ASIC2: variants seen among roughly 807,000 people sequenced by gnomAD.
ASIC2 encodes acid sensing ion channel subunit 2, also known as acid-sensing ion channel 2.
ASIC2 carries 25 observed loss-of-function variants against 57.3 expected under a neutral mutation model. That is an observed-to-expected ratio of 0.44 (90% CI 0.32 to 0.61). ASIC2 has a LOEUF of 0.61. Ranked by LOEUF, ASIC2 falls within the 20% of genes least tolerant of loss-of-function variation. ASIC2 has a pLI of 0.06. For missense variants in ASIC2, 641 were observed against 738.1 expected, an observed-to-expected ratio of 0.87 and a Z score of 1.52; for synonymous variants, 319 against 307.5, an observed-to-expected ratio of 1.04 and a Z score of -0.39.
intron 1 of ASIC2, among the ~76,000 whole-genome samples, chr17:33,886,769 T>C (rs1914838745): frequency 6.6e-6 from 1 of 151,998 alleles, no homozygotes; most frequent in South Asian, 2.1e-4. Flanking sequence ...TCCTTAGTAC[T>C]TGACGTGTTT....
At chr17:33,924,568 T>G (rs1915783284) in intron 1 of ASIC2, among the ~76,000 whole-genome samples, 2 of 152,350 alleles carry the variant, frequency 1.3e-5, no homozygotes, top group Admixed American at 1.3e-4. Flanking sequence ...CAAAATTCTA[T>G]TTCCCCGTAG....
At chr17:33,990,099 G>T (rs1019634482) in intron 1 of ASIC2, among the ~76,000 whole-genome samples, 116 of 152,296 alleles carry the variant, frequency 7.6e-4, no homozygotes, top group African/African-American at 2.6e-3. Flanking sequence ...AAGGGTGAAG[G>T]TGGGGAATTT....
chr17:33,168,229 C>T (rs1256251996), intron 1 of ASIC2, among the ~76,000 whole-genome samples: 1 of 152,190 alleles, frequency 6.6e-6, no homozygotes, highest in Non-Finnish European at 1.5e-5. Context: ...ATAAATTATG[C>T]AGTCTGTGGC....
chr17:33,949,837 GATTAATT>G (rs912367827), intron 1 of ASIC2, among the ~76,000 whole-genome samples: 1 of 152,214 alleles, frequency 6.6e-6, no homozygotes, highest in Non-Finnish European at 1.5e-5. Flanking sequence ...GCTTAGTGAG[GATTAATT>G]ATTATTTTAT....
chr17:34,020,408 T>A (rs1046241589), intron 1 of ASIC2, among the ~76,000 whole-genome samples: 10 of 152,206 alleles, frequency 6.6e-5, no homozygotes, highest in Admixed American at 3.9e-4. Flanking sequence ...AGAGTATGGC[T>A]GAGTTGGGCT....
chr17:33,385,559 C>T (rs1176352627), intron 1 of ASIC2, among the ~76,000 whole-genome samples: 1 of 152,170 alleles, frequency 6.6e-6, no homozygotes, highest in African/African-American at 2.4e-5. Flanking sequence ...TGTTTAATAA[C>T]ATGTTTTAAA....
At chr17:33,055,891 G>T (rs2091996054) in intron 3 of ASIC2, among the ~76,000 whole-genome samples, 1 of 152,198 alleles carries the variant, frequency 6.6e-6, no homozygotes, top group Admixed American at 6.5e-5. Context: ...GGCAGTGGTT[G>T]TCAACCGCAC....
chr17:33,868,948 C>T (rs1022427176), intron 1 of ASIC2, among the ~76,000 whole-genome samples: 2 of 152,018 alleles, frequency 1.3e-5, no homozygotes, highest in Non-Finnish European at 2.9e-5. Flanking sequence ...GCCTGTAGTC[C>T]CAGCTAACTG....
In ASIC2 at chr17:33,833,773, C is replaced by T. The variant is rs140194022; in HGVS notation, c.555+322205G>A. Among the ~76,000 whole-genome samples, 216 of 152,140 alleles carry T rather than the reference C, an allele frequency of 1.4e-3. 1 individual carries two copies. The highest frequency in any genetic ancestry group is 4.9e-3 in the African/African-American group (202 of 41,450). On this transcript the variant is annotated intron_variant, in intron 1 of 9. Transcript: ENST00000359872. ...ATTGCTGGTTTAAAATAATCTATTG[C>T]AGCTGGGCACACTGTCTATGCCTGT... is the stretch of plus-strand genomic sequence containing the variant.
chr17:33,971,883 C>G (rs1012181445), intron 1 of ASIC2, among the ~76,000 whole-genome samples: 1 of 152,112 alleles, frequency 6.6e-6, no homozygotes, highest in African/African-American at 2.4e-5. Context: ...TAAATAGAAG[C>G]TGTGATTCTG....
intron 1 of ASIC2, among the ~76,000 whole-genome samples, chr17:33,260,650 G>C (rs1250476779): frequency 6.6e-6 from 1 of 152,240 alleles, no homozygotes; most frequent in Non-Finnish European, 1.5e-5. Context: ...AAGGTGGCAA[G>C]TGGGGATGCC....
intron 1 of ASIC2, among the ~76,000 whole-genome samples, chr17:33,239,347 T>TGTTGAGGACCTGAGAGATCTTAGG (rs1908418674): frequency 1.3e-5 from 2 of 152,124 alleles, no homozygotes; most frequent in African/African-American, 4.8e-5. Context: ...CTGATTAAAA[T>TGTTGAGGACCTGAGAGATCTTAGG]TGTAATCCCC....
chr17:33,579,332 CAG>C (rs1916791737), intron 1 of ASIC2, among the ~76,000 whole-genome samples: 1 of 149,608 alleles, frequency 6.7e-6, no homozygotes, highest in Non-Finnish European at 1.5e-5. Context: ...GATGTTGGCT[CAG>C]GGCACACTGG....
intron 1 of ASIC2, among the ~76,000 whole-genome samples, chr17:33,518,417 T>G (rs1914638161): frequency 6.6e-6 from 1 of 152,178 alleles, no homozygotes; most frequent in Non-Finnish European, 1.5e-5. Flanking sequence ...AAACTTGCCA[T>G]CAGCTGGAGC....
intron 1 of ASIC2, among the ~76,000 whole-genome samples, chr17:33,369,750 C>T (rs1373979966): frequency 3.3e-5 from 5 of 152,162 alleles, no homozygotes; most frequent in African/African-American, 4.8e-5. Flanking sequence ...CAGATTTTTC[C>T]GGTGCTGAAG....
chr17:33,248,056 C>T, intron 1 of ASIC2, among the ~76,000 whole-genome samples: 1 of 152,122 alleles, frequency 6.6e-6, no homozygotes, highest in African/African-American at 2.4e-5. Context: ...ATGGGGATGC[C>T]AGGGGAAGAG....
intron 1 of ASIC2, among the ~76,000 whole-genome samples, chr17:33,700,671 A>G (rs1031952432): frequency 1.3e-5 from 2 of 152,218 alleles, no homozygotes; most frequent in African/African-American, 4.8e-5. Flanking sequence ...GATGTTAGCT[A>G]TTATTCATAT....
Position 33,292,262 on chromosome 17 carries a change from G to GCGCGGCATGCCCGCCCGGCGC in ASIC2, c.-168_-148dup, listed in dbSNP as rs1905514811. 3.0e-6 allele frequency: 3 copies of GCGCGGCATGCCCGCCCGGCGC among 992,696 alleles called. No homozygotes were observed. Among genetic ancestry groups the GCGCGGCATGCCCGCCCGGCGC allele is most frequent in the Non-Finnish European group, 3.6e-6 (3 of 836,296 alleles). The allele number at this position is 992,696 out of a possible 1,614,324, so 61.5% of individuals were successfully genotyped here. A position where few individuals can be genotyped will look rare whatever the true frequency, so the allele number is the denominator to read the frequency against. On this transcript the variant is annotated 5_prime_UTR_variant, in exon 1 of 10. The change creates a new upstream start codon in the 5' untranslated region. Coordinates refer to ENST00000225823, the MANE Select transcript of ASIC2 (RefSeq NM_183377.2). ...CGTGCGCCCGAAAGGAGCTCCGGTGGCGCGGCATGCCCGCCCGGCGCCGCC... is the reference window on the plus strand; with the variant it reads ...CGTGCGCCCGAAAGGAGCTCCGGTGGCGCGGCATGCCCGCCCGGCGCCGCGGCATGCCCGCCCGGCGCCGCC...
intron 1 of ASIC2, among the ~76,000 whole-genome samples, chr17:33,492,580 G>A (rs4795799): frequency 0.34 from 52,037 of 152,096 alleles, 9,278 homozygotes; most frequent in East Asian, 0.58. Context: ...ACCTTGTTGA[G>A]TGAACATACC....
Sources: gnomAD v4.1 joint callset for allele counts (sites outside exome capture counted in the v4.1 genomes callset) on GRCh38, gnomAD v4.1.1 for gene constraint, MANE v1.5 for transcripts, NCBI Gene and HGNC (gene_info 2026-07-23, HGNC 2026-07-21) for gene names.